Variants in PLCB1 observed in about 807,000 individuals in gnomAD.
The protein encoded by PLCB1 is phospholipase C beta 1.
PLCB1 carries 46 observed loss-of-function variants against 161.8 expected under a neutral mutation model. That is an observed-to-expected ratio of 0.28 (90% confidence interval 0.22 to 0.36). The LOEUF (loss-of-function observed/expected upper bound fraction) is 0.36. PLCB1 is among the 10% of genes least tolerant of loss of function. The probability of loss-of-function intolerance (pLI) is 1.00; values close to 1 mark genes in which losing one functional copy is unlikely to be tolerated. For missense variants in PLCB1, 1,016 were observed against 1,472.5 expected, an observed-to-expected ratio of 0.69 and a Z score of 5.07; for synonymous variants, 517 against 503.7, an observed-to-expected ratio of 1.03 and a Z score of -0.35.
intron 3 of PLCB1, among the ~76,000 whole-genome samples, chr20:8,523,685 C>T (rs1984470260): frequency 6.6e-6 from 1 of 150,978 alleles, no homozygotes; most frequent in African/African-American, 2.4e-5. Flanking sequence ...AGTTGGGTTA[C>T]TGAACAACAC....
chr20:8,674,350 G>GTC (rs1386499468), intron 9 of PLCB1, among the ~76,000 whole-genome samples: 2 of 152,100 alleles, frequency 1.3e-5, no homozygotes, highest in African/African-American at 4.8e-5. Context: ...CTCAAAACAA[G>GTC]TCTCTCTCTC....
chr20:8,156,360 A>G (rs1282741025), intron 2 of PLCB1, among the ~76,000 whole-genome samples: 3 of 152,108 alleles, frequency 2.0e-5, no homozygotes, highest in Admixed American at 1.3e-4. Context: ...TGTTCCCCTT[A>G]TGGGCTTCCT....
At chr20:8,361,988 T>A (rs1246447615) in intron 2 of PLCB1, among the ~76,000 whole-genome samples, 2 of 152,240 alleles carry the variant, frequency 1.3e-5, no homozygotes, top group Non-Finnish European at 2.9e-5. Context: ...CTGATTAGTC[T>A]GAAATGAGGA....
intron 3 of PLCB1, among the ~76,000 whole-genome samples, chr20:8,405,748 A>T (rs1003232157): frequency 3.3e-5 from 5 of 152,200 alleles, no homozygotes; most frequent in African/African-American, 1.2e-4. Flanking sequence ...CAGCTATTAA[A>T]CTACATAAAC....
chr20:8,547,627 C>T (rs1157562662), intron 3 of PLCB1, among the ~76,000 whole-genome samples: 2 of 152,118 alleles, frequency 1.3e-5, no homozygotes, highest in Non-Finnish European at 2.9e-5. Context: ...CCATTTTTCT[C>T]TTTCTCAACT....
intron 3 of PLCB1, among the ~76,000 whole-genome samples, chr20:8,606,231 G>A (rs1180630701): frequency 2.6e-5 from 4 of 152,106 alleles, no homozygotes; most frequent in Non-Finnish European, 2.9e-5. Context: ...TGTGATCTGT[G>A]AGATAGTAAA....
intron 31 of PLCB1, among the ~76,000 whole-genome samples, chr20:8,805,512 A>T (rs528701589): frequency 6.6e-6 from 1 of 152,352 alleles, no homozygotes; most frequent in East Asian, 1.9e-4. Flanking sequence ...TGAAATAATA[A>T]AGGTCAGTTT....
intron 3 of PLCB1, among the ~76,000 whole-genome samples, chr20:8,533,485 G>A (rs1372264239): frequency 6.6e-6 from 1 of 152,092 alleles, no homozygotes; most frequent in African/African-American, 2.4e-5. Flanking sequence ...CACCAACAGT[G>A]TAAAAATGTT....
At chr20:8,247,077 G>C (rs1376210373) in intron 2 of PLCB1, among the ~76,000 whole-genome samples, 1 of 151,902 alleles carries the variant, frequency 6.6e-6, no homozygotes, top group African/African-American at 2.4e-5. Flanking sequence ...TTTCCAAGGA[G>C]CACTGTCATA....
At chr20:8,387,622 A>G (rs889884891) in intron 3 of PLCB1, among the ~76,000 whole-genome samples, 1 of 152,252 alleles carries the variant, frequency 6.6e-6, no homozygotes, top group East Asian at 1.9e-4. Context: ...TGGCACCAAC[A>G]GACTTGCTGG....
intron 23 of PLCB1, among the ~76,000 whole-genome samples, chr20:8,756,171 A>G (rs1432908719): frequency 6.6e-6 from 1 of 152,222 alleles, no homozygotes; most frequent in Non-Finnish European, 1.5e-5. Context: ...TAACATCCAC[A>G]TATTTACTCT....
At chr20:8,282,446 T>C (rs1982915931) in intron 2 of PLCB1, among the ~76,000 whole-genome samples, 1 of 152,202 alleles carries the variant, frequency 6.6e-6, no homozygotes, top group African/African-American at 2.4e-5. Flanking sequence ...AAATTTGCAT[T>C]TGGAGACAAT....
intron 2 of PLCB1, among the ~76,000 whole-genome samples, chr20:8,191,062 C>T (rs2051964717): frequency 6.6e-6 from 1 of 152,034 alleles, no homozygotes; most frequent in Admixed American, 6.6e-5. Flanking sequence ...TATATACATG[C>T]ATAAGGATTT....
intron 2 of PLCB1, among the ~76,000 whole-genome samples, chr20:8,344,074 T>C (rs994438949): frequency 6.6e-6 from 1 of 152,220 alleles, no homozygotes; most frequent in Non-Finnish European, 1.5e-5. Context: ...TTTTGTTAAT[T>C]GTCTTCTGTG....
chr20:8,406,416 T>C (rs1158278277), intron 3 of PLCB1, among the ~76,000 whole-genome samples: 1 of 152,216 alleles, frequency 6.6e-6, no homozygotes, highest in African/African-American at 2.4e-5. Context: ...AAATATGGCA[T>C]ATGCATTCAG....
At chr20:8,861,728 CAA>C (rs35862889) in intron 31 of PLCB1, among the ~76,000 whole-genome samples, 52 of 108,160 alleles carry the variant, frequency 4.8e-4, no homozygotes, top group East Asian at 1.6e-3. Flanking sequence ...GACTCTACCT[CAA>C]AAAAAAAAAA....
intron 2 of PLCB1, among the ~76,000 whole-genome samples, chr20:8,278,644 T>G (rs1186236626): frequency 6.6e-6 from 1 of 151,958 alleles, no homozygotes; most frequent in East Asian, 1.9e-4. Flanking sequence ...GGAGAAGCTA[T>G]CACTATATGT....
intron 9 of PLCB1, among the ~76,000 whole-genome samples, chr20:8,659,325 A>C (rs921167473): frequency 2.6e-5 from 4 of 152,148 alleles, no homozygotes; most frequent in Non-Finnish European, 5.9e-5. Context: ...TGCCAAAATA[A>C]GATCATGAAG....
chr20:8,649,825 T>A (rs1989261316), intron 7 of PLCB1: 1 of 181,824 alleles, frequency 5.5e-6, no homozygotes, highest in South Asian at 1.6e-4. Context: ...GTTTCAAGTA[T>A]TCTGCTATAT....
Sources: gnomAD v4.1 joint callset for allele counts (sites outside exome capture counted in the v4.1 genomes callset) on GRCh38, gnomAD v4.1.1 for gene constraint, MANE v1.5 for transcripts, NCBI Gene and HGNC (gene_info 2026-07-23, HGNC 2026-07-21) for gene names.